NAALADL2: variants seen among roughly 807,000 people sequenced by gnomAD.
The protein encoded by NAALADL2 is inactive N-acetylated-alpha-linked acidic dipeptidase-like protein 2.
In NAALADL2, 76 loss-of-function variants were observed where a neutral mutation model predicts 87.2. That is an observed-to-expected ratio of 0.87 (90% CI 0.72 to 1.05). The LOEUF (loss-of-function observed/expected upper bound fraction) is 1.05. Among genes scored for constraint, NAALADL2 ranks in the 50% least tolerant of loss-of-function variants. NAALADL2 has a pLI of 0.00. For missense variants in NAALADL2, 1,089 were observed against 945.8 expected, an observed-to-expected ratio of 1.15 and a Z score of -1.99; for synonymous variants, 354 against 331.0, an observed-to-expected ratio of 1.07 and a Z score of -0.75.
At chr3:175,201,265 T>C (rs1739979269) in intron 2 of NAALADL2, among the ~76,000 whole-genome samples, 1 of 152,188 alleles carries the variant, frequency 6.6e-6, no homozygotes, top group Non-Finnish European at 1.5e-5. Flanking sequence ...AGAGTAGATA[T>C]CTGGTTGATG....
intron 9 of NAALADL2, among the ~76,000 whole-genome samples, chr3:175,557,928 C>T (rs1715556076): frequency 6.6e-6 from 1 of 152,068 alleles, no homozygotes; most frequent in Admixed American, 6.5e-5. Context: ...GGCGCGGTGG[C>T]TCACGCCTGT....
rs143018664 is a variant in NAALADL2 at position 174,941,640 on chromosome 3, T to C, written c.43+82190T>C. On this transcript the variant is annotated intron_variant, in intron 1 of 13. Transcript: ENST00000454872. ...TATTTTGTGGGAGTCTATTTCTCTT[T>C]TTATGTCTCTAAGAACTTGTTTTAG... 5.3e-3 allele frequency among the ~76,000 whole-genome samples: 800 copies of C among 152,246 alleles called. 1 individual carries two copies. The highest frequency in any genetic ancestry group is 8.2e-3 in the Non-Finnish European group (558 of 68,014).
intron 11 of NAALADL2, among the ~76,000 whole-genome samples, chr3:175,677,359 CA>C (rs113531403): frequency 0.054 from 7,846 of 144,636 alleles, 691 homozygotes; most frequent in African/African-American, 0.18. Context: ...GAGACTCTGT[CA>C]AAAAAAAAAA....
intron 5 of NAALADL2, among the ~76,000 whole-genome samples, chr3:175,331,792 T>C (rs1359405476): frequency 6.6e-6 from 1 of 152,112 alleles, no homozygotes; most frequent in Non-Finnish European, 1.5e-5. Context: ...GACATCCACA[T>C]TGGAAAAGAA....
At chr3:175,513,305 T>A (rs899784003) in intron 9 of NAALADL2, among the ~76,000 whole-genome samples, 8 of 152,190 alleles carry the variant, frequency 5.3e-5, no homozygotes, top group African/African-American at 1.7e-4. Flanking sequence ...TTTTAAAGTT[T>A]AAATTTAAAT....
At chr3:175,462,964 T>C (rs955715698) in intron 6 of NAALADL2, among the ~76,000 whole-genome samples, 2 of 152,188 alleles carry the variant, frequency 1.3e-5, no homozygotes, top group African/African-American at 4.8e-5. Flanking sequence ...TAGTGAGTCA[T>C]ACTGGAAAGG....
chr3:175,327,795 G>T (rs576860776), intron 5 of NAALADL2, among the ~76,000 whole-genome samples: 1 of 152,202 alleles, frequency 6.6e-6, no homozygotes, highest in South Asian at 2.1e-4. Context: ...TGCCCCTCTG[G>T]GTTAGTAAGA....
chr3:174,966,583 C>T (rs1742906636), intron 1 of NAALADL2, among the ~76,000 whole-genome samples: 3 of 152,028 alleles, frequency 2.0e-5, no homozygotes, highest in African/African-American at 7.2e-5. Context: ...GAGTGACAAA[C>T]AGATTTTTCA....
chr3:175,752,351 A>C (rs1746717143), intron 12 of NAALADL2, among the ~76,000 whole-genome samples: 1 of 152,120 alleles, frequency 6.6e-6, no homozygotes, highest in Admixed American at 6.6e-5. Context: ...GCAGTGAATA[A>C]AAGACACAAA....
intron 12 of NAALADL2, among the ~76,000 whole-genome samples, chr3:175,741,835 G>T (rs1745272125): frequency 1.3e-5 from 2 of 152,122 alleles, no homozygotes; most frequent in African/African-American, 4.8e-5. Context: ...AGATATCTAA[G>T]ATAGGTCTCA....
intron 2 of NAALADL2, among the ~76,000 whole-genome samples, chr3:174,606,811 T>C (rs1164918712): frequency 1.3e-5 from 2 of 151,954 alleles, no homozygotes; most frequent in Non-Finnish European, 2.9e-5. Flanking sequence ...ATTCAGGAAA[T>C]ACAGAGAACA....
At chr3:175,402,348 T>C (rs1006522038) in intron 5 of NAALADL2, among the ~76,000 whole-genome samples, 2 of 152,046 alleles carry the variant, frequency 1.3e-5, no homozygotes, top group South Asian at 2.1e-4. Context: ...GAGCAATTCT[T>C]TGGGCCAAGC....
rs71312310 is a variant in NAALADL2 at position 175,139,553 on chromosome 3, T to A, written c.545+42262T>A. Among the ~76,000 whole-genome samples the A allele has an allele frequency of 7.6e-3, 1,155 of 152,218 alleles. 2 individuals carry two copies. Among genetic ancestry groups the A allele is most frequent in the South Asian group, 0.024 (114 of 4,832 alleles). On this transcript the variant is annotated intron_variant, in intron 2 of 13. Coordinates refer to ENST00000454872, the MANE Select transcript of NAALADL2 (RefSeq NM_207015.3). ...ACATTATTCTGAAATGCTACGTAGA[T>A]GATTCATATATCTTCCCTTAGTATC...
rs80275150 is a variant in NAALADL2 at position 175,716,419 on chromosome 3, C to T, written c.1897-20887C>T. On this transcript the variant is annotated intron_variant, in intron 11 of 13. Coordinates refer to ENST00000454872, the MANE Select transcript of NAALADL2 (RefSeq NM_207015.3). ...CAAAAAGTCTATGAAACTAAAAAGC[C>T]GACTGCTCTAAGAGATAAAAATGTT... is the stretch of plus-strand genomic sequence containing the variant. 6.6e-3 allele frequency among the ~76,000 whole-genome samples: 984 copies of T among 150,152 alleles called. 14 individuals are homozygous for T. Among genetic ancestry groups the T allele is most frequent in the African/African-American group, 0.023 (931 of 40,910 alleles).
intron 2 of NAALADL2, among the ~76,000 whole-genome samples, chr3:175,183,010 G>A (rs952977978): frequency 2.0e-5 from 3 of 151,190 alleles, no homozygotes; most frequent in African/African-American, 7.3e-5. Flanking sequence ...GCGCAAGATT[G>A]GACTATTTGG....
intron 2 of NAALADL2, among the ~76,000 whole-genome samples, chr3:174,602,584 T>C (rs889339271): frequency 6.6e-6 from 1 of 152,066 alleles, no homozygotes; most frequent in South Asian, 2.1e-4. Flanking sequence ...ATTTGACTGA[T>C]TTTGTTTTCC....
chr3:175,386,541 G>A (rs956149277), intron 5 of NAALADL2, among the ~76,000 whole-genome samples: 4 of 150,350 alleles, frequency 2.7e-5, no homozygotes, highest in East Asian at 1.9e-4. Flanking sequence ...TATTAGAGTT[G>A]ATTTTGGGAA....
intron 2 of NAALADL2, among the ~76,000 whole-genome samples, chr3:174,654,776 C>G (rs1724730146): frequency 6.6e-6 from 1 of 152,148 alleles, no homozygotes; most frequent in South Asian, 2.1e-4. Flanking sequence ...TGCTCTGTCA[C>G]CCAGGCTGGA....
intron 2 of NAALADL2, among the ~76,000 whole-genome samples, chr3:175,168,094 GGGGAAACAA>G (rs1473550977): frequency 1.3e-5 from 2 of 151,744 alleles, no homozygotes; most frequent in Admixed American, 6.6e-5. Flanking sequence ...GGTATATGTG[GGGGAAACAA>G]GGTTTTTGGG....
Sources: allele counts gnomAD v4.1 joint callset (sites outside exome capture counted in the v4.1 genomes callset), GRCh38; gene constraint gnomAD v4.1.1; transcripts MANE v1.5; gene names NCBI Gene and HGNC (gene_info 2026-07-23, HGNC 2026-07-21).